The following PTPRT variants were observed in gnomAD, a reference collection of about 807,000 sequenced individuals.
The protein encoded by PTPRT is receptor-type tyrosine-protein phosphatase T.
Under a neutral mutation model 176.8 loss-of-function variants are expected in PTPRT, and 56 were observed. The ratio of observed to expected loss-of-function variants is 0.32; its 90% CI spans 0.26 to 0.40. The LOEUF (loss-of-function observed/expected upper bound fraction) is 0.40. PTPRT is among the 10% of genes least tolerant of loss of function. PTPRT has a pLI of 1.00. For synonymous variants in PTPRT, 783 were observed against 739.0 expected, an observed-to-expected ratio of 1.06 and a Z score of -0.96; for missense variants, 1,540 against 1,908.2, an observed-to-expected ratio of 0.81 and a Z score of 3.60.
chr20:43,088,334 GT>G (rs1320569374), intron 1 of PTPRT, among the ~76,000 whole-genome samples: 729 of 5,774 alleles, frequency 0.13, 3 homozygotes, highest in South Asian at 0.29. Context: ...TTGCTTTGGG[GT>G]GTGTGTGTGT....
At chr20:42,678,930 C>A (rs1482799269) in intron 6 of PTPRT, among the ~76,000 whole-genome samples, 2 of 152,120 alleles carry the variant, frequency 1.3e-5, no homozygotes, top group Admixed American at 1.3e-4. Context: ...GTGATATGAG[C>A]CTAAGTAGAA....
At chr20:43,143,759 A>G (rs746870147) in intron 1 of PTPRT, among the ~76,000 whole-genome samples, 6 of 152,208 alleles carry the variant, frequency 3.9e-5, no homozygotes, top group Non-Finnish European at 8.8e-5. Flanking sequence ...AAAGAGGCAG[A>G]CAGACAGCAG....
Position 43,014,221 on chromosome 20 carries a change from C to G in PTPRT, c.89-128289G>C, listed in dbSNP as rs149360025. 2.3e-3 allele frequency among the ~76,000 whole-genome samples: 356 copies of G among 152,300 alleles called. 5 individuals are homozygous for G. In the East Asian group the frequency reaches 0.032, roughly 14 times the overall value. On this transcript the variant is annotated intron_variant, in intron 1 of 30. Coordinates refer to ENST00000373187, the MANE Select transcript of PTPRT (RefSeq NM_007050.6). ...CCCTGACATGACTCCTGGCCATTCA[C>G]TCTGATGGCTGGAACCCTCCTCTCC...
chr20:42,067,921 G>T (rs190961312), downstream of PTPRT, among the ~76,000 whole-genome samples: 264 of 152,262 alleles, frequency 1.7e-3, 1 homozygote, highest in African/African-American at 6.2e-3. Flanking sequence ...ATTCCAGGAA[G>T]CAATGAGAAT....
At chr20:42,346,355 G>T (rs1371270717) in intron 11 of PTPRT, among the ~76,000 whole-genome samples, 1 of 152,200 alleles carries the variant, frequency 6.6e-6, no homozygotes, top group African/African-American at 2.4e-5. Context: ...GGTTAGTACG[G>T]ATCAGTCACA....
intron 7 of PTPRT, among the ~76,000 whole-genome samples, chr20:42,528,925 T>C (rs1487574234): frequency 6.6e-6 from 1 of 152,244 alleles, no homozygotes; most frequent in Non-Finnish European, 1.5e-5. Context: ...ATCTCACCTG[T>C]CAGACTTTGT....
At chr20:42,549,638 G>A (rs2072733459) in intron 7 of PTPRT, among the ~76,000 whole-genome samples, 1 of 152,182 alleles carries the variant, frequency 6.6e-6, no homozygotes, top group Non-Finnish European at 1.5e-5. Context: ...AACTATCCAT[G>A]TGAAGAGGCA....
chr20:42,671,401 C>G (rs1479586035), intron 7 of PTPRT, among the ~76,000 whole-genome samples: 1 of 152,162 alleles, frequency 6.6e-6, no homozygotes, highest in Non-Finnish European at 1.5e-5. Flanking sequence ...GGGCAACACA[C>G]AGCAATTCTA....
chr20:42,757,111 A>G (rs935253661), intron 5 of PTPRT, among the ~76,000 whole-genome samples: 1 of 150,884 alleles, frequency 6.6e-6, no homozygotes, highest in African/African-American at 2.4e-5. Flanking sequence ...TGTGCTAATG[A>G]GCTGATTCAA....
At chr20:42,212,533 T>A (rs2055668665) in intron 15 of PTPRT, among the ~76,000 whole-genome samples, 1 of 152,042 alleles carries the variant, frequency 6.6e-6, no homozygotes, top group Non-Finnish European at 1.5e-5. Context: ...GCATAGCAGT[T>A]AATATACTGG....
intron 1 of PTPRT, among the ~76,000 whole-genome samples, chr20:43,004,278 G>A (rs540430838): frequency 1.3e-5 from 2 of 151,538 alleles, no homozygotes; most frequent in Admixed American, 1.3e-4. Context: ...GACAATGGAT[G>A]AAGGATATTA....
chr20:42,626,075 A>C (rs552705385), intron 7 of PTPRT, among the ~76,000 whole-genome samples: 8 of 152,150 alleles, frequency 5.3e-5, no homozygotes, highest in Non-Finnish European at 7.4e-5. Flanking sequence ...GCATGAGACT[A>C]ACTATCGAGC....
chr20:42,295,634 G>A (rs957286002), intron 12 of PTPRT, among the ~76,000 whole-genome samples: 1 of 146,238 alleles, frequency 6.8e-6, no homozygotes, highest in Non-Finnish European at 1.5e-5. Context: ...ACTAAAAATT[G>A]AGAGAGAGAG....
chr20:42,436,180 T>G (rs1386580120), intron 9 of PTPRT, among the ~76,000 whole-genome samples: 1 of 152,196 alleles, frequency 6.6e-6, no homozygotes. Context: ...CTTTCTCACC[T>G]TGGTTTAGGG....
chr20:42,566,121 T>C (rs114569458), intron 7 of PTPRT, among the ~76,000 whole-genome samples: 2,929 of 151,212 alleles, frequency 0.019, 41 homozygotes, highest in African/African-American at 0.042. Context: ...TAAAAAAAAA[T>C]AGATTCAATT....
chr20:42,526,837 C>T (rs1266913315), intron 7 of PTPRT, among the ~76,000 whole-genome samples: 1 of 151,878 alleles, frequency 6.6e-6, no homozygotes, highest in African/African-American at 2.4e-5. Context: ...AGTAACATTC[C>T]TTATGGTACA....
chr20:42,893,700 T>C (rs938065731), intron 1 of PTPRT, among the ~76,000 whole-genome samples: 2 of 151,882 alleles, frequency 1.3e-5, no homozygotes, highest in East Asian at 1.9e-4. Flanking sequence ...GATGAGTTCA[T>C]GTCCTTTGTA....
At chr20:42,419,974 G>A (rs1031591698) in intron 9 of PTPRT, among the ~76,000 whole-genome samples, 5 of 152,130 alleles carry the variant, frequency 3.3e-5, no homozygotes, top group African/African-American at 1.2e-4. Flanking sequence ...AACAGCAGAA[G>A]CTGTGAAAAA....
At chr20:43,069,765 T>C (rs544795995) in intron 1 of PTPRT, among the ~76,000 whole-genome samples, 26 of 151,808 alleles carry the variant, frequency 1.7e-4, no homozygotes, top group Non-Finnish European at 2.9e-4. Flanking sequence ...GAGGTGGGAG[T>C]CCCTCAGCTT....
Sources: gnomAD v4.1 joint callset for allele counts (sites outside exome capture counted in the v4.1 genomes callset) on GRCh38, gnomAD v4.1.1 for gene constraint, MANE v1.5 for transcripts, NCBI Gene and HGNC (gene_info 2026-07-23, HGNC 2026-07-21) for gene names.